RNF8: variants seen among roughly 807,000 people sequenced by gnomAD.
The protein encoded by RNF8 is E3 ubiquitin-protein ligase RNF8.
Under a neutral mutation model 59.3 loss-of-function variants are expected in RNF8, and 8 were observed. That is an observed-to-expected ratio of 0.13 (90% CI 0.08 to 0.24). The LOEUF is 0.24. Among genes scored for constraint, RNF8 ranks in the 10% least tolerant of loss-of-function variants. The pLI, the probability that RNF8 is intolerant of heterozygous loss-of-function variation, is 1.00. For missense variants in RNF8, 406 were observed against 572.6 expected (o/e 0.71, Z 2.97); for synonymous variants, 162 against 200.0 (o/e 0.81, Z 1.60).
chr6:37,381,182 C>T lies in RNF8; in HGVS notation c.1269C>T (p.Cys423=), dbSNP rs1562096224. The change falls in exon 7 of 8, where the codon TGC becomes TGT. Residue 423 remains cysteine, a synonymous_variant. Coordinates refer to ENST00000373479, the MANE Select transcript of RNF8 (RefSeq NM_003958.4). ...CCTTGAACTGTGCCCACAGTTTCTG[C>T]TCCTACTGTATCAATGAATGGATGA... is the stretch of plus-strand genomic sequence containing the variant. ...AVTLNCAHSF[C]SYCINEWMKR... 1.9e-6 allele frequency: 3 copies of T among 1,614,212 alleles called. No homozygotes were observed. Among genetic ancestry groups the T allele is most frequent in the Non-Finnish European group, 2.5e-6 (3 of 1,180,038 alleles).
intron 2 of RNF8, among the ~76,000 whole-genome samples, chr6:37,366,983 C>T (rs195383): frequency 0.13 from 20,197 of 152,192 alleles, 3,988 homozygotes; most frequent in African/African-American, 0.43. Flanking sequence ...CACATTTGCT[C>T]ATTTGTGCCC....
intron 7 of RNF8, among the ~76,000 whole-genome samples, chr6:37,385,693 G>A (rs923250164): frequency 1.3e-5 from 2 of 152,084 alleles, no homozygotes; most frequent in African/African-American, 2.4e-5. Context: ...GAACAAAATT[G>A]TAGTGGGATA....
chr6:37,357,864 T>C (rs1769177516), intron 1 of RNF8, among the ~76,000 whole-genome samples: 1 of 152,204 alleles, frequency 6.6e-6, no homozygotes, highest in Non-Finnish European at 1.5e-5. Context: ...AACTGAACAC[T>C]ATGCCAGGTA....
intron 6 of RNF8, among the ~76,000 whole-genome samples, 183 bp from the exon 7 acceptor site, chr6:37,380,967 G>A (rs1248463153): frequency 6.6e-6 from 1 of 152,124 alleles, no homozygotes; most frequent in African/African-American, 2.4e-5. Flanking sequence ...ACAGGCATGA[G>A]CCATCATGCC....
At position 37,377,057 on chromosome 6, in the gene RNF8, C is replaced by A. The variant is rs745414452; in HGVS notation, c.1236+24C>A. On this transcript the variant is annotated intron_variant, in intron 6 of 7. Transcript: ENST00000373479. ...AGGTAATTATGAACAGTTGCTCACC[C>A]CTTCTTTTTTTTTTTTTTTTTTTTT... 1.1e-5 allele frequency: 10 copies of A among 921,034 alleles called. No individual in the cohort carries two copies. In the African/African-American group the frequency reaches 1.4e-4, roughly 13 times the overall value. The allele number at this position is 921,034 out of a possible 1,614,324, so 57.1% of individuals were successfully genotyped here. A position where few individuals can be genotyped will look rare whatever the true frequency, so the allele number is the denominator to read the frequency against.
At chr6:37,369,619 T>A (rs1769715335) in intron 3 of RNF8, among the ~76,000 whole-genome samples, 1 of 152,278 alleles carries the variant, frequency 6.6e-6, no homozygotes, top group South Asian at 2.1e-4. Flanking sequence ...TGTGTATCTT[T>A]GCTCTGTGGC....
intron 7 of RNF8, among the ~76,000 whole-genome samples, chr6:37,383,445 T>TA (rs1298782221): frequency 2.0e-5 from 3 of 152,226 alleles, no homozygotes; most frequent in Admixed American, 2.0e-4. Flanking sequence ...AAACTAGGAT[T>TA]GGCAAGCCTG....
intron 7 of RNF8, among the ~76,000 whole-genome samples, chr6:37,388,151 G>C (rs1304735711): frequency 6.6e-6 from 1 of 152,202 alleles, no homozygotes; most frequent in African/African-American, 2.4e-5. Flanking sequence ...TGGTGGCTAG[G>C]TTAGAGAAGT....
At chr6:37,363,949 G>A (rs530587634) in intron 2 of RNF8, among the ~76,000 whole-genome samples, 1 of 152,286 alleles carries the variant, frequency 6.6e-6, no homozygotes, top group East Asian at 1.9e-4. Flanking sequence ...GGAGGCCGAG[G>A]CGGGCGGATC....
intron 6 of RNF8, among the ~76,000 whole-genome samples, chr6:37,380,534 A>G (rs1000735570): frequency 6.6e-6 from 1 of 151,426 alleles, no homozygotes; most frequent in African/African-American, 2.4e-5. Context: ...AGCCGGGTGT[A>G]GTGGCAGGCG....
At chr6:37,370,636 C>A (rs780270548) in intron 3 of RNF8, among the ~76,000 whole-genome samples, 1 of 151,666 alleles carries the variant, frequency 6.6e-6, no homozygotes, top group Non-Finnish European at 1.5e-5. Flanking sequence ...GCCCACCAAG[C>A]CCTGAGGATT....
At chr6:37,376,011 G>C (rs1010315711) in intron 5 of RNF8, among the ~76,000 whole-genome samples, 4 of 152,192 alleles carry the variant, frequency 2.6e-5, no homozygotes, top group Admixed American at 2.0e-4. Context: ...AGAGCATGGA[G>C]CCTGAAGGTA....
intron 3 of RNF8, chr6:37,370,298 G>A (rs1001448898): frequency 6.6e-6 from 1 of 152,146 alleles, no homozygotes; most frequent in African/African-American, 2.4e-5. Flanking sequence ...GCTTACTTAT[G>A]TGTACCTTTT....
chr6:37,374,976 C>A (rs572273302), intron 5 of RNF8, among the ~76,000 whole-genome samples: 1 of 152,216 alleles, frequency 6.6e-6, no homozygotes, highest in Non-Finnish European at 1.5e-5. Flanking sequence ...GGTACTCCTT[C>A]AGAGTGTGTC....
chr6:37,380,296 A>G (rs1167353920), intron 6 of RNF8, among the ~76,000 whole-genome samples: 6 of 152,172 alleles, frequency 3.9e-5, no homozygotes, highest in Admixed American at 3.9e-4. Flanking sequence ...TGGTGGACTG[A>G]AAAAGACAAA....
chr6:37,375,421 A>G (rs1769974588), intron 5 of RNF8, among the ~76,000 whole-genome samples: 1 of 152,238 alleles, frequency 6.6e-6, no homozygotes, highest in African/African-American at 2.4e-5. Flanking sequence ...GTGTGTTTTA[A>G]TATGAAGGCC....
intron 2 of RNF8, among the ~76,000 whole-genome samples, chr6:37,364,714 T>G (rs1769475785): frequency 6.6e-6 from 1 of 152,228 alleles, no homozygotes; most frequent in South Asian, 2.1e-4. Flanking sequence ...CCAAGATTAA[T>G]GAAAGCTTAT....
chr6:37,371,987 C>T (rs1252844511), intron 4 of RNF8, among the ~76,000 whole-genome samples: 1 of 152,124 alleles, frequency 6.6e-6, no homozygotes, highest in Non-Finnish European at 1.5e-5. Flanking sequence ...GGGGAATGTT[C>T]CAGTTAAGCA....
At chr6:37,381,025 A>T in intron 6 of RNF8, 125 bp from the exon 7 acceptor site, 1 of 810,548 alleles carries the variant, frequency 1.2e-6, no homozygotes, top group Non-Finnish European at 2.1e-6. Flanking sequence ...AGCCCTTAAG[A>T]TGGGATTGTT....
Sources: allele counts gnomAD v4.1 joint callset (sites outside exome capture counted in the v4.1 genomes callset), GRCh38; gene constraint gnomAD v4.1.1; transcripts MANE v1.5; gene names NCBI Gene and HGNC (gene_info 2026-07-23, HGNC 2026-07-21).